The following GPC5 variants were observed in gnomAD, a reference collection of about 807,000 sequenced individuals.
The protein encoded by GPC5 is glypican 5.
Under a neutral mutation model 53.9 loss-of-function variants are expected in GPC5, and 47 were observed. The ratio of observed to expected loss-of-function variants is 0.87; its 90% CI spans 0.69 to 1.11. The LOEUF (loss-of-function observed/expected upper bound fraction) is 1.11, where lower values mean the gene tolerates loss of function less well. Ranked by LOEUF, GPC5 falls within the 50% of genes most tolerant of loss-of-function variation. GPC5 has a pLI of 0.00. For synonymous variants in GPC5, 286 were observed against 263.3 expected, an observed-to-expected ratio of 1.09 and a Z score of -0.84; for missense variants, 748 against 713.1, an observed-to-expected ratio of 1.05 and a Z score of -0.56.
chr13:91,564,819 G>A lies in GPC5; in HGVS notation c.325+115897G>A, dbSNP rs993902842. 6.6e-5 allele frequency among the ~76,000 whole-genome samples: 10 copies of A among 152,082 alleles called. No individual in the cohort carries two copies. In the East Asian group the frequency reaches 1.9e-3, roughly 29 times the overall value. On this transcript the variant is annotated intron_variant, in intron 2 of 7. Coordinates refer to ENST00000377067, the MANE Select transcript of GPC5 (RefSeq NM_004466.6). Reference sequence around the variant, plus strand: ...TGTTTAGTCTTTAAGTGATTTACAAGTCTTTTCAATATGTCGCCTTCAAAT... The same window carrying A: ...TGTTTAGTCTTTAAGTGATTTACAAATCTTTTCAATATGTCGCCTTCAAAT...
At chr13:92,547,049 TA>T (rs1882143116) in intron 7 of GPC5, among the ~76,000 whole-genome samples, 1 of 152,184 alleles carries the variant, frequency 6.6e-6, no homozygotes. Context: ...ATTTTAGACC[TA>T]AAACCATAAA....
chr13:91,737,667 A>T (rs999437281), intron 4 of GPC5, among the ~76,000 whole-genome samples: 3 of 151,470 alleles, frequency 2.0e-5, no homozygotes, highest in South Asian at 2.1e-4. Context: ...GATTTTGTGT[A>T]TTATGAAAAT....
intron 7 of GPC5, among the ~76,000 whole-genome samples, chr13:92,789,683 A>T (rs1403516830): frequency 4.6e-5 from 7 of 152,194 alleles, no homozygotes; most frequent in African/African-American, 1.7e-4. Context: ...TAAAATAGCT[A>T]AATTTTAAAG....
chr13:92,099,753 G>A (rs1246035035), intron 6 of GPC5, among the ~76,000 whole-genome samples: 1 of 152,086 alleles, frequency 6.6e-6, no homozygotes, highest in African/African-American at 2.4e-5. Context: ...AATAAGTCAT[G>A]CCCTTGTATA....
At chr13:91,781,595 C>A (rs1415717825) in intron 5 of GPC5, among the ~76,000 whole-genome samples, 1 of 152,164 alleles carries the variant, frequency 6.6e-6, no homozygotes, top group Non-Finnish European at 1.5e-5. Flanking sequence ...TTCTATATGC[C>A]AAGCCTAACA....
chr13:92,452,360 A>T (rs1878096573), intron 7 of GPC5, among the ~76,000 whole-genome samples: 1 of 152,190 alleles, frequency 6.6e-6, no homozygotes, highest in Non-Finnish European at 1.5e-5. Context: ...AAAAGTGTGG[A>T]TTTACTCAAC....
At chr13:92,813,937 C>T (rs1198237197) in intron 7 of GPC5, among the ~76,000 whole-genome samples, 1 of 151,894 alleles carries the variant, frequency 6.6e-6, no homozygotes, top group Non-Finnish European at 1.5e-5. Flanking sequence ...ATAGCCAAAA[C>T]AATTTGCAAA....
chr13:92,089,589 G>A (rs1236000390), intron 6 of GPC5, among the ~76,000 whole-genome samples: 1 of 152,112 alleles, frequency 6.6e-6, no homozygotes, highest in African/African-American at 2.4e-5. Flanking sequence ...ATCATAAGAT[G>A]TATTTGTTCA....
intron 5 of GPC5, among the ~76,000 whole-genome samples, chr13:91,853,440 C>A (rs1453103661): frequency 1.4e-4 from 21 of 151,894 alleles, no homozygotes; most frequent in Admixed American, 1.4e-3. Flanking sequence ...AGTGATTACT[C>A]TGCCCTTATA....
In GPC5 at chr13:92,698,229, A is replaced by T. The variant is rs541959669; in HGVS notation, c.1562-168053A>T. On this transcript the variant is annotated intron_variant, in intron 7 of 7. Coordinates refer to ENST00000377067, the MANE Select transcript of GPC5 (RefSeq NM_004466.6). The stretch of plus-strand genomic sequence containing the variant: ...TGTGCACAACGTGCACGTTAGTTAC[A>T]TATGTATACATGTGCCATGTTGGTG... Among the ~76,000 whole-genome samples, 11 of 152,122 alleles carry T rather than the reference A, an allele frequency of 7.2e-5. 1 individual carries two copies. In the South Asian group the frequency reaches 1.9e-3, roughly 26 times the overall value.
At position 92,680,904 on chromosome 13, in the gene GPC5, G is replaced by A. The variant is rs1236450869; in HGVS notation, c.1562-185378G>A. On this transcript the variant is annotated intron_variant, in intron 7 of 7. Transcript: ENST00000377067. ...GTCACCAGGAACCTTCTTCAGACCC[G>A]TGCATCCAACTGCTTATTTATCTTT... Among the ~76,000 whole-genome samples the A allele has an allele frequency of 3.3e-5, 5 of 152,062 alleles. No homozygotes were observed. In the East Asian group the frequency reaches 7.7e-4, roughly 24 times the overall value.
chr13:92,389,474 C>T (rs561952325), intron 7 of GPC5, among the ~76,000 whole-genome samples: 7 of 152,188 alleles, frequency 4.6e-5, no homozygotes, highest in African/African-American at 1.7e-4. Flanking sequence ...ATCATGGAAT[C>T]AAGGGCTCAT....
At chr13:91,834,472 A>G (rs2038700023) in intron 5 of GPC5, among the ~76,000 whole-genome samples, 1 of 152,202 alleles carries the variant, frequency 6.6e-6, no homozygotes, top group Admixed American at 6.5e-5. Flanking sequence ...AGCTGGAGGC[A>G]TCACACTACC....
At chr13:91,646,741 A>G (rs2034567013) in intron 2 of GPC5, among the ~76,000 whole-genome samples, 1 of 152,092 alleles carries the variant, frequency 6.6e-6, no homozygotes, top group South Asian at 2.1e-4. Flanking sequence ...TCCCAAATCT[A>G]CTCTACAAGA....
At position 92,483,269 on chromosome 13, in the gene GPC5, C is replaced by T. The variant is rs146561175; in HGVS notation, c.1561+338280C>T. 2.4e-3 allele frequency among the ~76,000 whole-genome samples: 359 copies of T among 152,250 alleles called. 1 individual carries two copies. Among genetic ancestry groups the T allele is most frequent in the African/African-American group, 8.1e-3 (337 of 41,552 alleles). On this transcript the variant is annotated intron_variant, in intron 7 of 7. Transcript: ENST00000377067. ...TGTGTGAACATCATGAGCATACTTA[C>T]ACCAACCTAGATGATACAGCCCACT...
At chr13:91,917,211 A>G (rs2039668170) in intron 6 of GPC5, among the ~76,000 whole-genome samples, 3 of 152,202 alleles carry the variant, frequency 2.0e-5, no homozygotes. Context: ...AAATTGGCCA[A>G]AACTAAGAAG....
chr13:91,842,656 C>G lies in GPC5; in HGVS notation c.1281-65281C>G, dbSNP rs558550348. Among the ~76,000 whole-genome samples, 342 of 99,564 alleles carry G rather than the reference C, an allele frequency of 3.4e-3. 6 individuals carry two copies. In the East Asian group the frequency reaches 0.17, roughly 49 times the overall value. 65.3% of individuals were successfully genotyped at this position (99,564 alleles called of 152,430 possible). ...GGCGGAGCTTGCAGTGAGCCGAGAT[C>G]GCGCCACTGCACCACTCCAACCTGG... On this transcript the variant is annotated intron_variant, in intron 5 of 7. Coordinates refer to ENST00000377067, the MANE Select transcript of GPC5 (RefSeq NM_004466.6).
At chr13:92,548,726 C>T (rs1882210027) in intron 7 of GPC5, among the ~76,000 whole-genome samples, 2 of 152,092 alleles carry the variant, frequency 1.3e-5, no homozygotes, top group African/African-American at 2.4e-5. Flanking sequence ...AATACCTTAA[C>T]CTTTCCATTA....
At chr13:92,751,706 C>T (rs1003477936) in intron 7 of GPC5, among the ~76,000 whole-genome samples, 55 of 151,936 alleles carry the variant, frequency 3.6e-4, no homozygotes, top group African/African-American at 1.3e-3. Flanking sequence ...TGTAACAAAC[C>T]TGCACGTTGT....
Sources: allele counts gnomAD v4.1 joint callset (sites outside exome capture counted in the v4.1 genomes callset), GRCh38; gene constraint gnomAD v4.1.1; transcripts MANE v1.5; gene names NCBI Gene and HGNC (gene_info 2026-07-23, HGNC 2026-07-21).